RMDN2: variants seen among roughly 807,000 people sequenced by gnomAD.
RMDN2 encodes the protein regulator of microtubule dynamics 2, also known as regulator of microtubule dynamics protein 2.
A neutral mutation model predicts 52.8 loss-of-function variants in RMDN2; 61 were observed. That is an observed-to-expected ratio of 1.16 (90% confidence interval 0.94 to 1.43). RMDN2 has a LOEUF of 1.43. Ranked by LOEUF, RMDN2 falls within the 40% of genes most tolerant of loss-of-function variation. The pLI is 0.00. For synonymous variants in RMDN2, 180 were observed against 153.1 expected, an observed-to-expected ratio of 1.18 and a Z score of -1.30; for missense variants, 592 against 475.3, an observed-to-expected ratio of 1.25 and a Z score of -2.28.
chr2:38,059,612 A>G (rs1288102420), intron 10 of RMDN2, among the ~76,000 whole-genome samples: 2 of 152,180 alleles, frequency 1.3e-5, no homozygotes, highest in Non-Finnish European at 2.9e-5. Context: ...CAAGGTAGGC[A>G]TGTCGAGGGA....
chr2:37,934,659 G>A (rs1667139429), intron 2 of RMDN2, among the ~76,000 whole-genome samples: 1 of 152,196 alleles, frequency 6.6e-6, no homozygotes, highest in African/African-American at 2.4e-5. Context: ...GGGTATATGG[G>A]GGAGTACTAT....
At position 37,987,118 on chromosome 2, in the gene RMDN2, G is replaced by C. The variant is rs150854613; in HGVS notation, c.792-2423G>C. On this transcript the variant is annotated intron_variant, in intron 5 of 10. Transcript: ENST00000354545. ...CTTGGGATTAAGCAATTATAGCAAGGTTGCTAGATACAAGGTTAAGGTACA... is the reference window on the plus strand; with the variant it reads ...CTTGGGATTAAGCAATTATAGCAAGCTTGCTAGATACAAGGTTAAGGTACA... 7.0e-3 allele frequency among the ~76,000 whole-genome samples: 1,061 copies of C among 152,084 alleles called. 6 individuals carry two copies. Among genetic ancestry groups the C allele is most frequent in the African/African-American group, 0.024 (1,006 of 41,480 alleles).
intron 10 of RMDN2, among the ~76,000 whole-genome samples, chr2:38,040,322 T>G (rs1248922067): frequency 6.6e-6 from 1 of 152,144 alleles, no homozygotes; most frequent in Non-Finnish European, 1.5e-5. Context: ...CCTCCTAAAA[T>G]TCACATGCTG....
intron 10 of RMDN2, among the ~76,000 whole-genome samples, chr2:38,058,653 T>C (rs1681931182): frequency 6.6e-6 from 1 of 152,262 alleles, no homozygotes; most frequent in African/African-American, 2.4e-5. Flanking sequence ...CTTATGTGGA[T>C]CGTCTTCCTT....
At chr2:37,977,788 C>T (rs1672723042) in intron 4 of RMDN2, among the ~76,000 whole-genome samples, 1 of 151,930 alleles carries the variant, frequency 6.6e-6, no homozygotes, top group Admixed American at 6.5e-5. Context: ...ACGCTCCTCA[C>T]TTCCTAGATG....
intron 10 of RMDN2, among the ~76,000 whole-genome samples, chr2:38,016,980 A>C (rs937632304): frequency 6.6e-6 from 1 of 151,918 alleles, no homozygotes; most frequent in Non-Finnish European, 1.5e-5. Context: ...TGTTACAATG[A>C]AAAAAAAGAA....
intron 10 of RMDN2, among the ~76,000 whole-genome samples, chr2:38,063,901 T>A (rs1441265230): frequency 6.6e-6 from 1 of 152,194 alleles, no homozygotes; most frequent in African/African-American, 2.4e-5. Context: ...GTAGTAGTAT[T>A]TCACTGTGCT....
intron 7 of RMDN2, among the ~76,000 whole-genome samples, chr2:37,993,277 A>G (rs1056633199): frequency 6.6e-6 from 1 of 152,176 alleles, no homozygotes; most frequent in Non-Finnish European, 1.5e-5. Flanking sequence ...TCTACTGCCT[A>G]TAAATTATAA....
At chr2:37,963,948 C>G (rs1170421307) in intron 2 of RMDN2, among the ~76,000 whole-genome samples, 2 of 151,378 alleles carry the variant, frequency 1.3e-5, no homozygotes, top group African/African-American at 4.9e-5. Context: ...CGGAGGTGCC[C>G]CCCACCTCCC....
intron 2 of RMDN2, among the ~76,000 whole-genome samples, chr2:37,965,890 C>G (rs535034296): frequency 6.6e-6 from 1 of 152,186 alleles, no homozygotes; most frequent in Non-Finnish European, 1.5e-5. Flanking sequence ...ATAGAAATCT[C>G]AGGTAACAGG....
chr2:38,033,946 T>A (rs1680398643), intron 10 of RMDN2, among the ~76,000 whole-genome samples: 1 of 152,244 alleles, frequency 6.6e-6, no homozygotes, highest in South Asian at 2.1e-4. Context: ...ACACATGTCT[T>A]GGTTCAGTAA....
chr2:37,953,100 CTAAGA>C (rs1347348080), intron 2 of RMDN2: 2 of 151,822 alleles, frequency 1.3e-5, no homozygotes, highest in Non-Finnish European at 2.9e-5. Flanking sequence ...TTTCATGGGG[CTAAGA>C]TGTTATTTTT....
chr2:37,991,101 G>C, intron 6 of RMDN2, 119 bp from the exon 7 acceptor site: 1 of 450,070 alleles, frequency 2.2e-6, no homozygotes, highest in Non-Finnish European at 4.1e-6. Context: ...TTAATGATAG[G>C]GATGGGGAGA....
chr2:38,020,518 G>T (rs1301369335), downstream of RMDN2, among the ~76,000 whole-genome samples: 2 of 152,248 alleles, frequency 1.3e-5, no homozygotes, highest in African/African-American at 4.8e-5. Context: ...TGCAGGGAGA[G>T]GGTGAGAGGG....
At chr2:37,950,550 G>C in intron 2 of RMDN2, 2 of 1,613,098 alleles carry the variant, frequency 1.2e-6, no homozygotes, top group Non-Finnish European at 1.7e-6. Context: ...AGAAGGGAAG[G>C]GAGAGACTTA....
chr2:37,976,830 A>G (rs1672528985), intron 4 of RMDN2, among the ~76,000 whole-genome samples: 1 of 151,020 alleles, frequency 6.6e-6, no homozygotes, highest in Admixed American at 6.6e-5. Context: ...TATTAAATAC[A>G]TTTTTTTCTT....
intron 2 of RMDN2, among the ~76,000 whole-genome samples, chr2:37,962,209 G>C (rs1019535814): frequency 1.3e-5 from 2 of 152,254 alleles, no homozygotes; most frequent in African/African-American, 4.8e-5. Flanking sequence ...CCTTAGCATA[G>C]CTCAAGTGCT....
intron 10 of RMDN2, among the ~76,000 whole-genome samples, chr2:38,057,132 G>A (rs1204149625): frequency 6.6e-6 from 1 of 152,196 alleles, no homozygotes; most frequent in Non-Finnish European, 1.5e-5. Flanking sequence ...TTAGAAACAT[G>A]AAGAGGTTGT....
intron 1 of RMDN2, 149 bp downstream of exon 1, chr2:37,925,574 C>G (rs931305246): frequency 2.0e-5 from 3 of 152,300 alleles, no homozygotes; most frequent in Non-Finnish European, 4.4e-5. Context: ...TGCTAGCCAG[C>G]GGTGCTCTGC....
Sources: allele counts gnomAD v4.1 joint callset (sites outside exome capture counted in the v4.1 genomes callset), GRCh38; gene constraint gnomAD v4.1.1; transcripts MANE v1.5; gene names NCBI Gene and HGNC (gene_info 2026-07-23, HGNC 2026-07-21).